SMC1B: variants seen among roughly 807,000 people sequenced by gnomAD.
SMC1B encodes structural maintenance of chromosomes 1B, also known as structural maintenance of chromosomes protein 1B.
A neutral mutation model predicts 157.9 loss-of-function variants in SMC1B; 60 were observed. That is an observed-to-expected ratio of 0.38 (90% confidence interval 0.31 to 0.47). SMC1B has a LOEUF of 0.47. Among genes scored for constraint, SMC1B ranks in the 20% least tolerant of loss-of-function variants. SMC1B has a pLI of 0.99. For synonymous variants in SMC1B, 445 were observed against 483.0 expected, an observed-to-expected ratio of 0.92 and a Z score of 1.03; for missense variants, 1,165 against 1,426.2, an observed-to-expected ratio of 0.82 and a Z score of 2.95.
At chr22:45,410,307 T>C (rs1180317910) in intron 1 of SMC1B, among the ~76,000 whole-genome samples, 1 of 152,190 alleles carries the variant, frequency 6.6e-6, no homozygotes, top group African/African-American at 2.4e-5. Flanking sequence ...CATTGGCCCA[T>C]AATTTTCTCT....
chr22:45,406,003 G>T (rs1457392380), intron 4 of SMC1B, among the ~76,000 whole-genome samples: 1 of 152,122 alleles, frequency 6.6e-6, no homozygotes, highest in African/African-American at 2.4e-5. Flanking sequence ...TCATAAAAAT[G>T]CTATTTATAT....
In SMC1B at chr22:45,354,120, C is replaced by A; in HGVS notation, c.3131G>T (p.Ser1044Ile). Reference sequence around the variant, plus strand: ...CCTACACAGTCTGGCTTCCTTTCTGCTGGCCTCAAAAGCTAAGAGAGAATC... The same window carrying A: ...CCTACACAGTCTGGCTTCCTTTCTGATGGCCTCAAAAGCTAAGAGAGAATC... ...FQESTDAFEA[S>I]RKEARLCRQE... The change falls in exon 21 of 25, where the codon AGC (serine) becomes ATC (isoleucine). Residue 1044 changes from serine (S) to isoleucine (I), a missense_variant. Coordinates refer to ENST00000357450, the MANE Select transcript of SMC1B (RefSeq NM_148674.5). 1 of 1,566,240 alleles carries A rather than the reference C, an allele frequency of 6.4e-7. No homozygotes were observed. Among genetic ancestry groups the A allele is most frequent in the African/African-American group, 1.4e-5 (1 of 72,162 alleles).
At chr22:45,405,583 G>A (rs541393861) in intron 4 of SMC1B, among the ~76,000 whole-genome samples, 1 of 151,684 alleles carries the variant, frequency 6.6e-6, no homozygotes. Flanking sequence ...TGCACTGGAA[G>A]GTTTTATGCA....
Position 45,352,590 on chromosome 22 carries a change from G to A in SMC1B, c.3286C>T (p.Pro1096Ser). Reference sequence around the variant, plus strand: ...AAGTAAGGTTCTTCAGGGTTCTCTGGGCTAAGAAATGCCTGAAACGCATGT... The same window carrying A: ...AAGTAAGGTTCTTCAGGGTTCTCTGAGCTAAGAAATGCCTGAAACGCATGT... ...RNNSAQAFLSPENPEEPYLEG... is the reference protein window; with the variant it reads ...RNNSAQAFLSSENPEEPYLEG... The change falls in exon 22 of 25, where the codon CCA (proline) becomes TCA (serine). Residue 1096 changes from proline (P) to serine (S), a missense_variant. Coordinates refer to ENST00000357450, the MANE Select transcript of SMC1B (RefSeq NM_148674.5). The A allele has an allele frequency of 6.2e-7, 1 of 1,605,658 alleles. No individual in the cohort carries two copies. The highest frequency in any genetic ancestry group is 1.7e-4 in the Middle Eastern group (1 of 6,010).
Position 45,411,950 on chromosome 22 carries a change from C to A in SMC1B, c.109+1509G>T, listed in dbSNP as rs577721110. ...CTGGAATGCAGTGGCACAGTCTTGG[C>A]TCACTGCAACCTCCGCCTCCCGGGT... On this transcript the variant is annotated intron_variant, in intron 1 of 24. Transcript: ENST00000357450. Among the ~76,000 whole-genome samples, 9 of 152,220 alleles carry A rather than the reference C, an allele frequency of 5.9e-5. No homozygotes were observed. The South Asian group carries it at 1.9e-3, about 32-fold the overall frequency.
chr22:45,349,058 A>C (rs1316195117), intron 23 of SMC1B, among the ~76,000 whole-genome samples: 2 of 129,332 alleles, frequency 1.5e-5, no homozygotes, highest in African/African-American at 6.1e-5. Flanking sequence ...TCTGTCGCTC[A>C]GGCTGGAGTG....
Position 45,396,463 on chromosome 22 carries a change from C to A in SMC1B, c.1137G>T (p.Lys379Asn). ...TAGCTACTTTCTTTCTTACTTGTTC[C>A]TTAAGTTCTTTATAACGATCCAGCT... is the stretch of plus-strand genomic sequence containing the variant. ...ASQLDRYKEL[K>N]EQVRKKVATM... Residue 379 changes from lysine (K) to asparagine (N), a missense_variant, in exon 7 of 25, where the codon AAG becomes AAT. By Grantham distance (94) the Lys-to-Asn change is moderately conservative (BLOSUM62 0). Coordinates refer to ENST00000357450, the MANE Select transcript of SMC1B (RefSeq NM_148674.5). 6.2e-7 allele frequency: 1 copy of A among 1,612,744 alleles called. No homozygotes were observed. The highest frequency in any genetic ancestry group is 8.5e-7 in the Non-Finnish European group (1 of 1,179,488).
At chr22:45,386,171 T>C (rs1373641971) in intron 11 of SMC1B, among the ~76,000 whole-genome samples, 1 of 152,062 alleles carries the variant, frequency 6.6e-6, no homozygotes, top group East Asian at 1.9e-4. Context: ...CATAATTAGT[T>C]ACTAAGTAGC....
chr22:45,413,432 C>T (rs1166945257), intron 1 of SMC1B, 27 bp downstream of exon 1: 1 of 1,542,634 alleles, frequency 6.5e-7, no homozygotes, highest in Non-Finnish European at 8.8e-7. Flanking sequence ...GGAGGCGCTC[C>T]GGTGGCGCCC....
intron 14 of SMC1B, 25 bp from the exon 15 acceptor site, chr22:45,370,085 G>C (rs938269128): frequency 6.4e-6 from 8 of 1,245,624 alleles, no homozygotes; most frequent in Non-Finnish European, 8.9e-6. Context: ...TAAAACAATT[G>C]ATTTAATAAG....
chr22:45,398,620 G>A (rs553039605), intron 6 of SMC1B, among the ~76,000 whole-genome samples: 37 of 152,236 alleles, frequency 2.4e-4, no homozygotes, highest in Admixed American at 3.3e-4. Context: ...ACCAGAGGTC[G>A]GGAGTTTGAG....
chr22:45,409,589 TAAATAAATAAATAAATAAATA>T (rs1388350353), intron 1 of SMC1B, among the ~76,000 whole-genome samples: 14 of 78,164 alleles, frequency 1.8e-4, no homozygotes, highest in African/African-American at 1.5e-3. Context: ...AATAAATAAA[TAAATAAATAAATAAATAAATA>T]AAAACAAGAG....
At chr22:45,410,545 T>C (rs1488008862) in intron 1 of SMC1B, among the ~76,000 whole-genome samples, 3 of 151,948 alleles carry the variant, frequency 2.0e-5, no homozygotes, top group African/African-American at 4.8e-5. Context: ...TCTACTAAAA[T>C]ACAAAAAATT....
intron 15 of SMC1B, among the ~76,000 whole-genome samples, chr22:45,363,797 T>C (rs559605408): frequency 6.6e-6 from 1 of 152,284 alleles, no homozygotes. Flanking sequence ...TCTACAGATT[T>C]CCTCTCCTCT....
At chr22:45,394,469 A>C (rs1177863225) in intron 8 of SMC1B, among the ~76,000 whole-genome samples, 2 of 152,024 alleles carry the variant, frequency 1.3e-5, no homozygotes, top group African/African-American at 4.8e-5. Flanking sequence ...GTGAAACCCC[A>C]TCTTTACCAG....
chr22:45,409,241 G>A (rs2087299759), intron 1 of SMC1B, among the ~76,000 whole-genome samples: 1 of 152,098 alleles, frequency 6.6e-6, no homozygotes, highest in African/African-American at 2.4e-5. Flanking sequence ...AAGCATTGGT[G>A]CAGCACCAAA....
intron 12 of SMC1B, among the ~76,000 whole-genome samples, chr22:45,382,484 A>C (rs562694477): frequency 2.0e-5 from 3 of 152,190 alleles, no homozygotes; most frequent in Non-Finnish European, 4.4e-5. Context: ...GACTGAGTAA[A>C]AGGAACCCAA....
At chr22:45,409,346 C>A (rs1019188546) in intron 1 of SMC1B, among the ~76,000 whole-genome samples, 3 of 152,116 alleles carry the variant, frequency 2.0e-5, no homozygotes, top group African/African-American at 7.2e-5. Flanking sequence ...AGCAGATCAC[C>A]TGAGGTCAAG....
intron 15 of SMC1B, among the ~76,000 whole-genome samples, chr22:45,366,792 T>A (rs181310835): frequency 2.6e-5 from 4 of 152,370 alleles, no homozygotes; most frequent in Admixed American, 2.6e-4. Flanking sequence ...TTCTTAGATT[T>A]GCTCTTGAGA....
Sources: gnomAD v4.1 joint callset for allele counts (sites outside exome capture counted in the v4.1 genomes callset) on GRCh38, gnomAD v4.1.1 for gene constraint, MANE v1.5 for transcripts, NCBI Gene and HGNC (gene_info 2026-07-23, HGNC 2026-07-21) for gene names.